Variants in CIAO3 observed in about 807,000 individuals in gnomAD.
The protein encoded by CIAO3 is cytosolic iron-sulfur assembly component 3.
CIAO3 carries 45 observed loss-of-function variants against 51.5 expected under a neutral mutation model. That is an observed-to-expected ratio of 0.87 (90% confidence interval 0.69 to 1.12). CIAO3 has a LOEUF of 1.12. Among genes scored for constraint, CIAO3 ranks in the 50% most tolerant of loss-of-function variants. CIAO3 has a pLI of 0.00. For synonymous variants in CIAO3, 314 were observed against 269.3 expected, an observed-to-expected ratio of 1.17 and a Z score of -1.63; for missense variants, 668 against 632.5, an observed-to-expected ratio of 1.06 and a Z score of -0.60.
rs573884978 is a variant in CIAO3 at position 737,089 on chromosome 16, C to T, written c.306+97G>A. ...AGGCAGGCGCCACCCGCACGACGGA[C>T]GTCGGCACCACACGAGCTGCCCTTG... is the stretch of plus-strand genomic sequence containing the variant. On this transcript the variant is annotated intron_variant, in intron 3 of 10. Transcript: ENST00000251588. The surrounding 1 kb of genome is among the most constrained non-coding windows in gnomAD (Gnocchi z 5.3). 5.5e-5 allele frequency: 84 copies of T among 1,539,846 alleles called. 1 individual carries two copies. The highest frequency in any genetic ancestry group is 6.8e-5 in the South Asian group (6 of 87,662).
At chr16:734,443 T>C (rs2041317479) in intron 5 of CIAO3, 96 bp from the exon 6 acceptor site, 1 of 914,618 alleles carries the variant, frequency 1.1e-6, no homozygotes, top group Non-Finnish European at 1.7e-6. Context: ...GGCCCGCTCA[T>C]ACAGGAGATC....
chr16:734,591 A>G, intron 5 of CIAO3, 146 bp downstream of exon 5: 1 of 1,436,530 alleles, frequency 7.0e-7, no homozygotes, highest in Non-Finnish European at 9.7e-7. Context: ...AGAAAAGGCC[A>G]TTTGTGCCAA....
chr16:739,508 G>T, intron 2 of CIAO3, 135 bp downstream of exon 2: 1 of 887,966 alleles, frequency 1.1e-6, no homozygotes, highest in Non-Finnish European at 1.8e-6. Context: ...GATGGCAGGT[G>T]AATTCGACCA....
At chr16:740,763 C>T (rs906519557) in intron 1 of CIAO3, 157 bp downstream of exon 1, 16 of 673,548 alleles carry the variant, frequency 2.4e-5, no homozygotes, top group Non-Finnish European at 3.8e-5. Context: ...GTGTCTGAGG[C>T]CCCGCGCCCG....
chr16:733,142 C>G (rs1385114749), intron 7 of CIAO3, 156 bp downstream of exon 7: 2 of 977,684 alleles, frequency 2.0e-6, no homozygotes, highest in African/African-American at 3.3e-5. Context: ...CCACCTGGCT[C>G]CAAGGGGAGA....
intron 5 of CIAO3, 99 bp from the exon 6 acceptor site, chr16:734,446 A>C: frequency 1.1e-6 from 1 of 908,220 alleles, no homozygotes; most frequent in Non-Finnish European, 1.7e-6. Context: ...CCGCTCATAC[A>C]GGAGATCATG....
At position 736,353 on chromosome 16, in the gene CIAO3, G is replaced by A; in HGVS notation, c.352C>T (p.Pro118Ser). The A allele has an allele frequency of 1.2e-6, 2 of 1,613,026 alleles. No homozygotes were observed. Among genetic ancestry groups the A allele is most frequent in the East Asian group, 2.2e-5 (1 of 44,878 alleles). ...GCAGCCAGCGATGCTCTAGACTGTG[G>A]TGAGACCGAAACTACAACCAGCCTC... ...QQRLVVVSVS[P>S]QSRASLAARF... is the part of the protein sequence containing the mutation. Residue 118 changes from proline (P) to serine (S), a missense_variant, in exon 4 of 11, where the codon CCA becomes TCA. By Grantham distance (74) the Pro-to-Ser change is moderately conservative (BLOSUM62 -1). Transcript: ENST00000251588.
rs2041260180 is a variant in CIAO3 at position 730,395 on chromosome 16, G to A, written c.*22C>T. 2 of 1,592,600 alleles carry A rather than the reference G, an allele frequency of 1.3e-6. No homozygotes were observed. The highest frequency in any genetic ancestry group is 1.3e-5 in the African/African-American group (1 of 74,894). On this transcript the variant is annotated 3_prime_UTR_variant, in exon 11 of 11. Coordinates refer to ENST00000251588, the MANE Select transcript of CIAO3 (RefSeq NM_022493.3). Reference sequence around the variant, plus strand: ...CTGTCACACATGGACACGGCCTCCTGGGAGTCCTGGTCCTGCAGCCCCTAC... The same window carrying A: ...CTGTCACACATGGACACGGCCTCCTAGGAGTCCTGGTCCTGCAGCCCCTAC...
rs770824376 is a variant in CIAO3, at chr16:734,370, G to A, written c.575-23C>T. 3.6e-5 allele frequency: 56 copies of A among 1,546,092 alleles called. 1 individual carries two copies. The Admixed American group carries it at 6.6e-4, about 18-fold the overall frequency. ...AGCCTGAGGTGACAGGGGGCACACG[G>A]GGCTGGCGGGGGCGCACGGCGGCCC... On this transcript the variant is annotated intron_variant, in intron 5 of 10. Transcript: ENST00000251588.
chr16:740,375 A>T, intron 1 of CIAO3: 1 of 328,012 alleles, frequency 3.0e-6, no homozygotes. Flanking sequence ...AGCTCTACTG[A>T]GGAGCCACTG....
At chr16:736,192 G>C (rs2041335256) in intron 4 of CIAO3, 74 bp downstream of exon 4, 2 of 1,580,642 alleles carry the variant, frequency 1.3e-6, no homozygotes, top group Non-Finnish European at 1.7e-6. Context: ...TGACTCAGAG[G>C]CGCGAGGGGC....
chr16:740,135 G>C (rs1486967048), intron 1 of CIAO3: 1 of 1,295,940 alleles, frequency 7.7e-7, no homozygotes, highest in Non-Finnish European at 1.0e-6. Context: ...CTCAGTGCCC[G>C]GGAAACAAGT....
In CIAO3 at chr16:730,507, C is replaced by T. The variant is rs1567342427; in HGVS notation, c.1341G>A (p.Gln447=). Reference sequence around the variant, plus strand: ...GACCTGCACACTCCGAGTCCGTGCCCTGCAGCCAGTGTGTGTACAGCTCCT... The same window carrying T: ...GACCTGCACACTCCGAGTCCGTGCCTTGCAGCCAGTGTGTGTACAGCTCCT... ...GVQELYTHWL[Q]GTDSECAGRL... is the part of the protein sequence containing the mutation. Residue 447 remains glutamine, a synonymous_variant, in exon 11 of 11, where the codon CAG becomes CAA. Transcript: ENST00000251588. The T allele has an allele frequency of 6.2e-7, 1 of 1,610,444 alleles. No homozygotes were observed. Among genetic ancestry groups the T allele is most frequent in the Non-Finnish European group, 8.5e-7 (1 of 1,179,988 alleles).
In CIAO3 at chr16:737,374, A is replaced by G. The variant is rs1218156597; in HGVS notation, c.163-45T>C. The G allele has an allele frequency of 9.9e-6, 16 of 1,609,608 alleles. No homozygotes were observed. Among genetic ancestry groups the G allele is most frequent in the African/African-American group, 2.7e-5 (2 of 74,854 alleles). On this transcript the variant is annotated intron_variant, in intron 2 of 10. Transcript: ENST00000251588. The surrounding 1 kb of genome is among the most constrained non-coding windows in gnomAD (Gnocchi z 5.3). The stretch of plus-strand genomic sequence containing the variant: ...GGTGCACAGGGGCCCCCTCTGCACG[A>G]GGACATGGAGACAGAGGATAGTGGA...
At chr16:733,955 G>A (rs1322331504) in intron 6 of CIAO3, 4 of 458,320 alleles carry the variant, frequency 8.7e-6, no homozygotes, top group Non-Finnish European at 8.1e-6. Context: ...CCGGAGGGGT[G>A]GGCTCCAGGC....
rs1048934799 is a variant in CIAO3, at chr16:729,847, G to A, written c.*570C>T. On this transcript the variant is annotated 3_prime_UTR_variant, in exon 11 of 11. Coordinates refer to ENST00000251588, the MANE Select transcript of CIAO3 (RefSeq NM_022493.3). ...CTGGCTGGGGGATGATGCAGCCCGC[G>A]ATGGCTGCTGCTTCGTACTTGGCTT... is the stretch of plus-strand genomic sequence containing the variant. The A allele has an allele frequency of 1.0e-5, 6 of 579,506 alleles. No individual in the cohort carries two copies. In the East Asian group the frequency reaches 3.6e-4, roughly 35 times the overall value. The allele number at this position is 579,506 out of a possible 1,614,324, so 35.9% of individuals were successfully genotyped here.
rs1273980489 is a variant in CIAO3 at position 737,200 on chromosome 16, G to A, written c.292C>T (p.Leu98=). The A allele has an allele frequency of 6.2e-7, 1 of 1,613,778 alleles. No individual in the cohort carries two copies. Among genetic ancestry groups the A allele is most frequent in the African/African-American group, 1.3e-5 (1 of 75,072 alleles). ...QQSHEELKKV[L]DANKMAAPSQ... is the part of the protein sequence containing the mutation. The stretch of plus-strand genomic sequence containing the variant: ...CCACTGCTTACCTTGTTAGCATCTA[G>A]AACCTTCTTCAGCTCCTCGTGGCTC... Residue 98 remains leucine, a synonymous_variant, in exon 3 of 11, where the codon CTA becomes TTA. Transcript: ENST00000251588. The surrounding 1 kb of genome is among the most constrained non-coding windows in gnomAD (Gnocchi z 5.3).
At chr16:733,905 C>G in intron 6 of CIAO3, 1 of 403,524 alleles carries the variant, frequency 2.5e-6, no homozygotes, top group Non-Finnish European at 4.7e-6. Flanking sequence ...CGCTGGGCCT[C>G]AGGTGGGGGT....
At chr16:731,991 C>G (rs1596670231) in intron 8 of CIAO3, 1 of 526,220 alleles carries the variant, frequency 1.9e-6, no homozygotes, top group Non-Finnish European at 3.3e-6. Flanking sequence ...GCCTCAACCT[C>G]CCAAGTAGCT....
Sources: gnomAD v4.1 joint callset for allele counts on GRCh38, gnomAD v4.1.1 for gene constraint, Gnocchi (gnomAD v3.1) non-coding constraint, MANE v1.5 for transcripts, NCBI Gene and HGNC (gene_info 2026-07-23, HGNC 2026-07-21) for gene names.